HIGD1C: variants seen among roughly 807,000 people sequenced by gnomAD.
HIGD1C encodes HIG1 hypoxia inducible domain family member 1C.
A neutral mutation model predicts 13.1 loss-of-function variants in HIGD1C; 11 were observed. That is an observed-to-expected ratio of 0.84 (90% CI 0.53 to 1.39). The LOEUF (loss-of-function observed/expected upper bound fraction) is 1.39, where lower values mean the gene tolerates loss of function less well. Ranked by LOEUF, HIGD1C falls within the 40% of genes most tolerant of loss-of-function variation. The pLI is 0.00. For missense variants in HIGD1C, 110 were observed against 112.0 expected (o/e 0.98, Z 0.08); for synonymous variants, 36 against 37.7 (o/e 0.95, Z 0.17).
chr12:50,971,688 G>A (rs1939765304), downstream of HIGD1C, among the ~76,000 whole-genome samples: 5 of 152,092 alleles, frequency 3.3e-5, no homozygotes, highest in Admixed American at 3.3e-4. Context: ...AAGACTCCAA[G>A]CCTAGGAGAG....
At chr12:50,968,686 C>T (rs913041683) in intron 2 of HIGD1C, among the ~76,000 whole-genome samples, 19 of 152,014 alleles carry the variant, frequency 1.2e-4, no homozygotes, top group African/African-American at 3.4e-4. Context: ...GGATTACAGG[C>T]ACCCGTCACC....
chr12:50,949,620 G>A (rs1796242855), upstream of HIGD1C, among the ~76,000 whole-genome samples: 2 of 135,712 alleles, frequency 1.5e-5, no homozygotes, highest in African/African-American at 2.8e-5. Context: ...TGCAACCTTC[G>A]TCTCCCAGGT....
At chr12:50,952,781 G>A (rs371094151), upstream of HIGD1C, among the ~76,000 whole-genome samples, 1 of 152,218 alleles carries the variant, frequency 6.6e-6, no homozygotes, top group Admixed American at 6.5e-5. Context: ...ACCTCCTCTG[G>A]CTAGGGCGTG....
chr12:50,954,514 T>C (rs992023139), intron 1 of HIGD1C, among the ~76,000 whole-genome samples: 4 of 152,224 alleles, frequency 2.6e-5, no homozygotes, highest in Admixed American at 2.6e-4. Context: ...AGTTCTTACA[T>C]CTTCTGTTTA....
chr12:50,961,593 C>T (rs1208572187), intron 2 of HIGD1C, among the ~76,000 whole-genome samples: 1 of 152,058 alleles, frequency 6.6e-6, no homozygotes, highest in Non-Finnish European at 1.5e-5. Flanking sequence ...TTTTATTAGT[C>T]CATAAATTAA....
the HIGD1C span, among the ~76,000 whole-genome samples, chr12:50,941,048 C>T: frequency 8.1e-3 from 1,227 of 152,062 alleles, 16 homozygotes; most frequent in African/African-American, 0.028. Flanking sequence ...TACAAAAAAC[C>T]GAGATGAGGT....
At chr12:50,952,757 A>T (rs530367680), upstream of HIGD1C, among the ~76,000 whole-genome samples, 1 of 152,150 alleles carries the variant, frequency 6.6e-6, no homozygotes, top group East Asian at 1.9e-4. Flanking sequence ...GGAGATTCCA[A>T]CTGCAGGGAG....
chr12:50,942,495 T>TA, the HIGD1C span, among the ~76,000 whole-genome samples: 1 of 152,196 alleles, frequency 6.6e-6, no homozygotes, highest in Non-Finnish European at 1.5e-5. Context: ...AGAACCTAAA[T>TA]AAAAAATCAC....
intron 1 of HIGD1C, among the ~76,000 whole-genome samples, chr12:50,958,738 C>T (rs970732276): frequency 2.0e-5 from 3 of 151,554 alleles, no homozygotes; most frequent in Non-Finnish European, 4.4e-5. Context: ...AAAAATAGGC[C>T]GGGCACAGTG....
chr12:50,942,370 C>T, the HIGD1C span, among the ~76,000 whole-genome samples: 1 of 152,332 alleles, frequency 6.6e-6, no homozygotes, highest in South Asian at 2.1e-4. Flanking sequence ...TGCCCACAAC[C>T]AGTCAGATGT....
At chr12:50,946,344 T>A in the HIGD1C span, among the ~76,000 whole-genome samples, 3 of 152,332 alleles carry the variant, frequency 2.0e-5, no homozygotes, top group East Asian at 5.8e-4. Context: ...GACAAAGGGT[T>A]AATATCCAGA....
intron 1 of HIGD1C, among the ~76,000 whole-genome samples, chr12:50,959,997 C>T (rs1939264213): frequency 2.0e-5 from 3 of 152,218 alleles, no homozygotes; most frequent in East Asian, 1.9e-4. Context: ...ATTAAGTTCT[C>T]AGTGTTTTAA....
chr12:50,946,781 G>T, the HIGD1C span, among the ~76,000 whole-genome samples: 1 of 152,148 alleles, frequency 6.6e-6, no homozygotes, highest in Non-Finnish European at 1.5e-5. Flanking sequence ...CACAGGGAGG[G>T]ATAGCATTAG....
chr12:50,971,794 G>T (rs1256090945), downstream of HIGD1C, among the ~76,000 whole-genome samples: 4 of 152,186 alleles, frequency 2.6e-5, no homozygotes, highest in Non-Finnish European at 5.9e-5. Context: ...TGTAATGGAG[G>T]TTTACACTGA....
At chr12:50,960,591 C>T (rs1419750428) in intron 1 of HIGD1C, among the ~76,000 whole-genome samples, 1 of 152,140 alleles carries the variant, frequency 6.6e-6, no homozygotes, top group Non-Finnish European at 1.5e-5. Context: ...TGGAGTCTTT[C>T]CTGCTTATCT....
upstream of HIGD1C, among the ~76,000 whole-genome samples, chr12:50,950,710 T>C (rs1938875288): frequency 6.8e-6 from 1 of 147,612 alleles, no homozygotes; most frequent in African/African-American, 2.5e-5. Context: ...GGAGTCTCAT[T>C]CTGTCACCCA....
chr12:50,941,371 A>G, the HIGD1C span, among the ~76,000 whole-genome samples: 1 of 152,218 alleles, frequency 6.6e-6, no homozygotes, highest in Admixed American at 6.5e-5. Context: ...CGTTTTTGCC[A>G]CTGTGCTTTT....
At chr12:50,954,893 C>T (rs1271346580) in intron 1 of HIGD1C, among the ~76,000 whole-genome samples, 2 of 152,102 alleles carry the variant, frequency 1.3e-5, no homozygotes, top group African/African-American at 2.4e-5. Flanking sequence ...TGAGCATGAA[C>T]TTTGGAGTGG....
At chr12:50,955,350 C>T (rs752263341) in intron 1 of HIGD1C, among the ~76,000 whole-genome samples, 2 of 152,200 alleles carry the variant, frequency 1.3e-5, no homozygotes, top group Non-Finnish European at 2.9e-5. Flanking sequence ...AGTATGTTTA[C>T]ATTTTCAACA....
Sources: allele counts gnomAD v4.1 joint callset (sites outside exome capture counted in the v4.1 genomes callset), GRCh38; gene constraint gnomAD v4.1.1; transcripts MANE v1.5; gene names NCBI Gene and HGNC (gene_info 2026-07-23, HGNC 2026-07-21).